Variants in MACROD2 observed in about 807,000 individuals in gnomAD.
The protein encoded by MACROD2 is ADP-ribose glycohydrolase MACROD2.
MACROD2 carries 36 observed loss-of-function variants against 70.4 expected under a neutral mutation model. The ratio of observed to expected loss-of-function variants is 0.51; its 90% confidence interval spans 0.39 to 0.68. The LOEUF (loss-of-function observed/expected upper bound fraction) is 0.68, where lower values mean the gene tolerates loss of function less well. MACROD2 is among the 30% of genes least tolerant of loss of function. MACROD2 has a pLI of 0.00. For synonymous variants in MACROD2, 172 were observed against 178.8 expected, an observed-to-expected ratio of 0.96 and a Z score of 0.30; for missense variants, 496 against 538.4, an observed-to-expected ratio of 0.92 and a Z score of 0.78.
chr20:14,223,576 C>T (rs1022714045), intron 3 of MACROD2, among the ~76,000 whole-genome samples: 90 of 149,026 alleles, frequency 6.0e-4, no homozygotes, highest in Non-Finnish European at 7.4e-4. Context: ...GGTGCAATCT[C>T]GGCTCACTGC....
At chr20:14,080,201 T>C (rs1218003039) in intron 2 of MACROD2, among the ~76,000 whole-genome samples, 1 of 151,996 alleles carries the variant, frequency 6.6e-6, no homozygotes, top group East Asian at 1.9e-4. Context: ...CCCAGCACTT[T>C]GGGAGGCCGA....
chr20:14,869,153 G>A (rs771215375), intron 5 of MACROD2, among the ~76,000 whole-genome samples: 3 of 152,146 alleles, frequency 2.0e-5, no homozygotes, highest in Non-Finnish European at 2.9e-5. Flanking sequence ...GTTGTTGAGT[G>A]AGATTTTAAT....
Position 14,085,808 on chromosome 20 carries a change from T to C in MACROD2, c.271+80T>C, listed in dbSNP as rs1601204435. 11 of 807,490 alleles carry C rather than the reference T, an allele frequency of 1.4e-5. No homozygotes were observed. The East Asian group carries it at 2.2e-4, about 16-fold the overall frequency. 50.0% of individuals were successfully genotyped at this position (807,490 alleles called of 1,614,324 possible). On this transcript the variant is annotated intron_variant, in intron 3 of 17. Transcript: ENST00000684519. ...TTTTAAATAAATAAGAATGTAAGTATTTTAGAAAAAAATGCTTTTTGACGT... is the reference window on the plus strand; with the variant it reads ...TTTTAAATAAATAAGAATGTAAGTACTTTAGAAAAAAATGCTTTTTGACGT...
At chr20:15,475,118 G>A (rs969755923) in intron 7 of MACROD2, among the ~76,000 whole-genome samples, 1 of 152,130 alleles carries the variant, frequency 6.6e-6, no homozygotes, top group African/African-American at 2.4e-5. Flanking sequence ...GGTATTATAA[G>A]TAATCTAGGG....
At chr20:15,238,020 A>AT (rs1358249496) in intron 6 of MACROD2, among the ~76,000 whole-genome samples, 1 of 152,186 alleles carries the variant, frequency 6.6e-6, no homozygotes, top group Non-Finnish European at 1.5e-5. Flanking sequence ...ATGTGTGCAG[A>AT]TGAGTGTTAA....
intron 3 of MACROD2, among the ~76,000 whole-genome samples, chr20:14,315,628 C>T (rs2082606212): frequency 6.6e-6 from 1 of 152,144 alleles, no homozygotes; most frequent in Non-Finnish European, 1.5e-5. Flanking sequence ...ATGGTAAGCA[C>T]TATGAGCTAG....
chr20:14,426,274 T>A (rs981007638), intron 3 of MACROD2, among the ~76,000 whole-genome samples: 1 of 152,106 alleles, frequency 6.6e-6, no homozygotes, highest in Non-Finnish European at 1.5e-5. Flanking sequence ...GTCAACTTTT[T>A]ATTTTTTGTT....
intron 5 of MACROD2, among the ~76,000 whole-genome samples, chr20:15,038,530 G>A (rs550245585): frequency 4.6e-5 from 7 of 152,302 alleles, no homozygotes; most frequent in African/African-American, 1.7e-4. Flanking sequence ...TAAAATATAG[G>A]ATGAATCTAT....
intron 4 of MACROD2, among the ~76,000 whole-genome samples, chr20:14,529,200 C>T (rs1421140687): frequency 3.9e-5 from 6 of 152,150 alleles, no homozygotes; most frequent in Admixed American, 6.5e-5. Context: ...TTTTAGGCTT[C>T]AAGTAACAAG....
At chr20:15,620,245 G>A (rs1600676591) in intron 8 of MACROD2, among the ~76,000 whole-genome samples, 1 of 152,186 alleles carries the variant, frequency 6.6e-6, no homozygotes, top group East Asian at 1.9e-4. Flanking sequence ...GAACGAATGA[G>A]TGTGGGGTGG....
intron 4 of MACROD2, among the ~76,000 whole-genome samples, chr20:14,552,022 T>C (rs1200988339): frequency 1.3e-5 from 2 of 152,040 alleles, no homozygotes; most frequent in Non-Finnish European, 2.9e-5. Flanking sequence ...GTTTAATTTC[T>C]TTAATCCTTT....
chr20:14,194,513 A>G (rs2081414222), intron 3 of MACROD2, among the ~76,000 whole-genome samples: 1 of 152,182 alleles, frequency 6.6e-6, no homozygotes, highest in Non-Finnish European at 1.5e-5. Flanking sequence ...CACTGTGGCG[A>G]GGGGTCAAAA....
At chr20:14,515,318 G>A (rs767436532) in intron 4 of MACROD2, among the ~76,000 whole-genome samples, 7 of 152,020 alleles carry the variant, frequency 4.6e-5, no homozygotes, top group Non-Finnish European at 1.0e-4. Flanking sequence ...TTCTTGCTCT[G>A]TATACAAAGG....
intron 7 of MACROD2, among the ~76,000 whole-genome samples, chr20:15,440,218 A>G (rs1411014680): frequency 6.6e-6 from 1 of 152,150 alleles, no homozygotes; most frequent in Non-Finnish European, 1.5e-5. Flanking sequence ...AAAAAAGAAA[A>G]ACTTTGAAGT....
At chr20:14,548,275 G>T (rs1978399353) in intron 4 of MACROD2, among the ~76,000 whole-genome samples, 1 of 152,186 alleles carries the variant, frequency 6.6e-6, no homozygotes, top group South Asian at 2.1e-4. Flanking sequence ...TTGAGTAAAT[G>T]ATTACTCCAT....
At chr20:15,922,835 A>C (rs1274158819) in intron 10 of MACROD2, among the ~76,000 whole-genome samples, 1 of 152,234 alleles carries the variant, frequency 6.6e-6, no homozygotes, top group African/African-American at 2.4e-5. Flanking sequence ...ACCTGGTGCA[A>C]TGTCCAGAAC....
At chr20:15,606,603 G>A (rs454928) in intron 8 of MACROD2, among the ~76,000 whole-genome samples, 149,698 of 152,328 alleles carry the variant, frequency 0.98, 73,574 homozygotes, top group East Asian at 1. Context: ...ACTTCATCTT[G>A]CCACCCCTAT....
At chr20:14,777,742 T>C (rs924607321) in intron 5 of MACROD2, among the ~76,000 whole-genome samples, 2 of 152,092 alleles carry the variant, frequency 1.3e-5, no homozygotes, top group African/African-American at 4.8e-5. Context: ...AAAAACTTGT[T>C]TGAAATTGTA....
chr20:15,639,086 T>A (rs181629635), intron 8 of MACROD2, among the ~76,000 whole-genome samples: 9 of 152,206 alleles, frequency 5.9e-5, no homozygotes, highest in African/African-American at 1.9e-4. Context: ...GCATTGTAGA[T>A]CAATCCTGGG....
Sources: gnomAD v4.1 joint callset for allele counts (sites outside exome capture counted in the v4.1 genomes callset) on GRCh38, gnomAD v4.1.1 for gene constraint, MANE v1.5 for transcripts, NCBI Gene and HGNC (gene_info 2026-07-23, HGNC 2026-07-21) for gene names.